Variants in LRP1B observed in about 807,000 individuals in gnomAD.
LRP1B encodes the protein LDL receptor related protein 1B.
A neutral mutation model predicts 556.6 loss-of-function variants in LRP1B; 217 were observed. That is an observed-to-expected ratio of 0.39 (90% CI 0.35 to 0.44). The LOEUF is 0.44. LRP1B is among the 20% of genes least tolerant of loss of function. The probability of loss-of-function intolerance (pLI) is 1.00; values close to 1 mark genes in which losing one functional copy is unlikely to be tolerated. For missense variants in LRP1B, 5,053 were observed against 5,620.8 expected (o/e 0.90, Z 3.23); for synonymous variants, 2,047 against 1,865.8 (o/e 1.10, Z -2.50).
chr2:141,573,609 AG>A (rs1244021950), intron 2 of LRP1B, among the ~76,000 whole-genome samples: 1 of 150,910 alleles, frequency 6.6e-6, no homozygotes, highest in African/African-American at 2.4e-5. Flanking sequence ...GAAGAACTGA[AG>A]GATATAGATG....
In LRP1B at chr2:141,153,105, T is replaced by G. The variant is rs7566797; in HGVS notation, c.1013+35316A>C. Among the ~76,000 whole-genome samples the G allele has an allele frequency of 3.8e-3, 570 of 148,896 alleles. 4 individuals carry two copies. The highest frequency in any genetic ancestry group is 0.013 in the African/African-American group (522 of 40,704). ...CTACAATTTAAATGGTGGCAAAAGA[T>G]CCACACTTATTTAAATTTGTAGATT... is the stretch of plus-strand genomic sequence containing the variant. On this transcript the variant is annotated intron_variant, in intron 7 of 90. Transcript: ENST00000389484.
intron 1 of LRP1B, among the ~76,000 whole-genome samples, chr2:141,891,968 A>G (rs6705049): frequency 0.85 from 129,693 of 151,942 alleles, 55,620 homozygotes; most frequent in East Asian, 1. Flanking sequence ...TTAAGAAATA[A>G]AACAACATTC....
At chr2:140,532,929 G>GAT (rs539867412) in intron 47 of LRP1B, among the ~76,000 whole-genome samples, 6,726 of 50,506 alleles carry the variant, frequency 0.13, 834 homozygotes, top group South Asian at 0.18. Context: ...CACAGCACAA[G>GAT]ATATATATAT....
At chr2:141,803,581 T>C (rs933275103) in intron 2 of LRP1B, among the ~76,000 whole-genome samples, 2 of 152,146 alleles carry the variant, frequency 1.3e-5, no homozygotes, top group African/African-American at 4.8e-5. Flanking sequence ...TCAGCTTTTC[T>C]ACCTAACGAA....
At chr2:141,419,949 G>C (rs1559060653) in intron 3 of LRP1B, among the ~76,000 whole-genome samples, 1 of 152,048 alleles carries the variant, frequency 6.6e-6, no homozygotes, top group Non-Finnish European at 1.5e-5. Context: ...CTATACTGAA[G>C]AATGTTCTGT....
intron 1 of LRP1B, among the ~76,000 whole-genome samples, chr2:142,070,862 C>T (rs1705287885): frequency 6.6e-6 from 1 of 151,850 alleles, no homozygotes; most frequent in Non-Finnish European, 1.5e-5. Context: ...TACATTGTAC[C>T]AGATGCTTTC....
intron 17 of LRP1B, among the ~76,000 whole-genome samples, chr2:140,986,798 C>T (rs1247596679): frequency 6.6e-6 from 1 of 152,102 alleles, no homozygotes; most frequent in African/African-American, 2.4e-5. Context: ...ATCACCAGTG[C>T]TTTGGTAGAT....
Position 142,130,920 on chromosome 2 carries a change from G to A in LRP1B, c.-191C>T, listed in dbSNP as rs1228161603. ...TCCTGCCTGGAGCAGGATGTGGAAGGTGGAGGGATGCGCGCGTGCGGGAGA... is the reference window on the plus strand; with the variant it reads ...TCCTGCCTGGAGCAGGATGTGGAAGATGGAGGGATGCGCGCGTGCGGGAGA... On this transcript the variant is annotated 5_prime_UTR_variant, in exon 1 of 91. Coordinates refer to ENST00000389484, the MANE Select transcript of LRP1B (RefSeq NM_018557.3). The A allele has an allele frequency of 7.2e-4, 455 of 627,854 alleles. 1 individual carries two copies. Among genetic ancestry groups the A allele is most frequent in the Non-Finnish European group, 1.5e-4 (53 of 349,606 alleles). The allele number at this position is 627,854 out of a possible 1,614,324, so 38.9% of individuals were successfully genotyped here.
At chr2:140,295,784 T>A (rs986524101) in intron 84 of LRP1B, among the ~76,000 whole-genome samples, 1 of 105,728 alleles carries the variant, frequency 9.5e-6, no homozygotes, top group Non-Finnish European at 2.0e-5. Context: ...TGTAGAAAAA[T>A]CTCAATAAAT....
intron 2 of LRP1B, among the ~76,000 whole-genome samples, chr2:141,777,378 G>C (rs766302495): frequency 6.6e-6 from 1 of 152,064 alleles, no homozygotes; most frequent in Non-Finnish European, 1.5e-5. Flanking sequence ...ATTTATAAAA[G>C]GTGAATCTGC....
intron 1 of LRP1B, among the ~76,000 whole-genome samples, chr2:141,866,839 G>A (rs1468898954): frequency 2.0e-5 from 3 of 151,206 alleles, no homozygotes; most frequent in Non-Finnish European, 4.4e-5. Context: ...AAGGAGAGAG[G>A]AAAGGAAATA....
At chr2:141,824,566 C>T (rs551087092) in intron 1 of LRP1B, among the ~76,000 whole-genome samples, 18 of 152,196 alleles carry the variant, frequency 1.2e-4, no homozygotes, top group African/African-American at 4.3e-4. Context: ...GGGGTTTCAC[C>T]GTGGTCTCGA....
chr2:141,862,169 AATATG>A (rs758680054), intron 1 of LRP1B, among the ~76,000 whole-genome samples: 26 of 152,174 alleles, frequency 1.7e-4, no homozygotes, highest in Admixed American at 3.9e-4. Context: ...ACCTTACCTT[AATATG>A]AGAATACAAA....
chr2:140,914,992 T>C (rs771892097), intron 21 of LRP1B, among the ~76,000 whole-genome samples: 1 of 152,176 alleles, frequency 6.6e-6, no homozygotes, highest in Non-Finnish European at 1.5e-5. Context: ...TAGTAACTTA[T>C]CTGCACTCAT....
At position 140,443,006 on chromosome 2, in the gene LRP1B, G is replaced by A. The variant is rs114054231; in HGVS notation, c.10295-383C>T. 3.4e-3 allele frequency among the ~76,000 whole-genome samples: 511 copies of A among 152,144 alleles called. 4 individuals are homozygous for A. The highest frequency in any genetic ancestry group is 0.012 in the African/African-American group (479 of 41,498). Reference sequence around the variant, plus strand: ...AACTGAAAAATACTAAAATTGGAAGGCATTAAGTGAATAAGGAAATAAAAA... The same window carrying A: ...AACTGAAAAATACTAAAATTGGAAGACATTAAGTGAATAAGGAAATAAAAA... On this transcript the variant is annotated intron_variant, in intron 65 of 90. Transcript: ENST00000389484.
intron 3 of LRP1B, among the ~76,000 whole-genome samples, chr2:141,408,332 G>C (rs918717267): frequency 6.6e-6 from 1 of 151,804 alleles, no homozygotes; most frequent in South Asian, 2.1e-4. Context: ...TTTTAGTAGA[G>C]ATGGCGTTTC....
chr2:141,932,794 C>T (rs1034289250), intron 1 of LRP1B, among the ~76,000 whole-genome samples: 1 of 151,730 alleles, frequency 6.6e-6, no homozygotes, highest in Non-Finnish European at 1.5e-5. Flanking sequence ...ATATATCAAT[C>T]TTCTAAAAAT....
intron 2 of LRP1B, among the ~76,000 whole-genome samples, chr2:141,497,558 G>A (rs1352653291): frequency 6.6e-6 from 1 of 151,890 alleles, no homozygotes; most frequent in East Asian, 2.0e-4. Flanking sequence ...CAGGAAGGAA[G>A]GTCCAGGATA....
At chr2:140,812,040 GA>G (rs1243528783) in intron 32 of LRP1B, among the ~76,000 whole-genome samples, 2 of 151,922 alleles carry the variant, frequency 1.3e-5, no homozygotes, top group Non-Finnish European at 2.9e-5. Flanking sequence ...AAATAATTTA[GA>G]AAAAATATAT....
Sources: gnomAD v4.1 joint callset for allele counts (sites outside exome capture counted in the v4.1 genomes callset) on GRCh38, gnomAD v4.1.1 for gene constraint, MANE v1.5 for transcripts, NCBI Gene and HGNC (gene_info 2026-07-23, HGNC 2026-07-21) for gene names.